The following ADD1 variants were observed in gnomAD, a reference collection of about 807,000 sequenced individuals.
The protein encoded by ADD1 is alpha-adducin.
A neutral mutation model predicts 80.5 loss-of-function variants in ADD1; 24 were observed. That is an observed-to-expected ratio of 0.30 (90% CI 0.22 to 0.42). The LOEUF is 0.42. ADD1 is among the 10% of genes least tolerant of loss of function. The pLI is 1.00. For missense variants in ADD1, 948 were observed against 1,019.0 expected, an observed-to-expected ratio of 0.93 and a Z score of 0.95; for synonymous variants, 373 against 393.8, an observed-to-expected ratio of 0.95 and a Z score of 0.63.
At chr4:2,897,170 C>T (rs1410234485) in intron 6 of ADD1, among the ~76,000 whole-genome samples, 2 of 152,006 alleles carry the variant, frequency 1.3e-5, no homozygotes, top group Non-Finnish European at 2.9e-5. Context: ...GTTAACTTTT[C>T]TCTATGGAAT....
In ADD1 at chr4:2,928,759, C is replaced by G. The variant is rs1356306711; in HGVS notation, c.*236C>G. The G allele has an allele frequency of 9.6e-6, 5 of 522,862 alleles. No individual in the cohort carries two copies. The highest frequency in any genetic ancestry group is 1.7e-5 in the Non-Finnish European group (5 of 301,162). The allele number at this position is 522,862 out of a possible 1,614,324, so 32.4% of individuals were successfully genotyped here. A position where few individuals can be genotyped will look rare whatever the true frequency, so the allele number is the denominator to read the frequency against. ...CCTCAGCTTCTGGGGGAGACATGCTCTCCCCACAGGGGGGAGGCACTAAGT... is the reference window on the plus strand; with the variant it reads ...CCTCAGCTTCTGGGGGAGACATGCTGTCCCCACAGGGGGGAGGCACTAAGT... On this transcript the variant is annotated 3_prime_UTR_variant, in exon 16 of 16. Coordinates refer to ENST00000683351, the MANE Select transcript of ADD1 (RefSeq NM_001354761.2).
intron 14 of ADD1, among the ~76,000 whole-genome samples, chr4:2,924,149 G>A (rs919304283): frequency 2.6e-5 from 4 of 152,228 alleles, no homozygotes; most frequent in African/African-American, 9.7e-5. Context: ...GCTGACAAAG[G>A]CGGTCTTGTT....
rs1734744746 is a variant in ADD1, at chr4:2,894,016, A to G, written c.514A>G (p.Arg172Gly). 1 of 1,613,824 alleles carries G rather than the reference A, an allele frequency of 6.2e-7. No homozygotes were observed. Among genetic ancestry groups the G allele is most frequent in the African/African-American group, 1.3e-5 (1 of 74,940 alleles). ...AATTCAGTCATTTTCCCCACAGACCAGAGTGAACTCCGAGCAGGAACACTT... is the reference window on the plus strand; with the variant it reads ...AATTCAGTCATTTTCCCCACAGACCGGAGTGAACTCCGAGCAGGAACACTT... ...SQLIYNHITT[R>G]VNSEQEHFLI... The change falls in exon 5 of 16, where the codon AGA becomes GGA. Residue 172 changes from arginine (R) to glycine (G), a missense_variant. Arg to Gly is a moderately radical substitution (Grantham distance 125, BLOSUM62 -2). Transcript: ENST00000683351.
intron 10 of ADD1, among the ~76,000 whole-genome samples, chr4:2,906,406 C>A (rs886888656): frequency 1.9e-4 from 28 of 150,200 alleles, no homozygotes; most frequent in African/African-American, 3.5e-4. Flanking sequence ...AAAAAAAAAA[C>A]CCCAAAACAC....
intron 12 of ADD1, 79 bp from the exon 13 acceptor site, chr4:2,909,260 C>T: frequency 8.0e-7 from 1 of 1,244,644 alleles, no homozygotes. Context: ...ATGCTCTTAG[C>T]CAGCTCCATC....
Position 2,893,967 on chromosome 4 carries a change from T to C in ADD1, c.511-46T>C, listed in dbSNP as rs192713760. The C allele has an allele frequency of 1.5e-3, 2,312 of 1,547,212 alleles. 5 individuals are homozygous for C. Among genetic ancestry groups the C allele is most frequent in the Admixed American group, 3.3e-3 (197 of 59,808 alleles). On this transcript the variant is annotated intron_variant, in intron 4 of 15. Transcript: ENST00000683351. ...ATTTGTAGCCTGAAAGAGATGCAAA[T>C]AATTTCACTTGGATCTTTGAGCTAA...
chr4:2,876,355 T>C, intron 2 of ADD1: 1 of 339,330 alleles, frequency 2.9e-6, no homozygotes, highest in Non-Finnish European at 5.3e-6. Context: ...CTCTTGTGAC[T>C]TTTCTAGAGG....
chr4:2,862,033 C>G (rs1728894971), intron 1 of ADD1, among the ~76,000 whole-genome samples: 1 of 152,228 alleles, frequency 6.6e-6, no homozygotes, highest in African/African-American at 2.4e-5. Flanking sequence ...TTGGACACCC[C>G]TGGCTTAAGG....
rs905212708 is a variant in ADD1 at position 2,843,864 on chromosome 4, G to A, written c.-181G>A. On this transcript the variant is annotated 5_prime_UTR_variant, in exon 1 of 16. Coordinates refer to ENST00000683351, the MANE Select transcript of ADD1 (RefSeq NM_001354761.2). Reference sequence around the variant, plus strand: ...GCTGCAGCGCCGCAGGCCGCACCCAGGTCGGGCGGTGGGGGCGAGCGGAGG... The same window carrying A: ...GCTGCAGCGCCGCAGGCCGCACCCAAGTCGGGCGGTGGGGGCGAGCGGAGG... The A allele has an allele frequency of 2.0e-5, 3 of 152,520 alleles. No homozygotes were observed. Among genetic ancestry groups the A allele is most frequent in the Admixed American group, 2.0e-4 (3 of 15,274 alleles). The allele number at this position is 152,520 out of a possible 1,614,324, so 9.4% of individuals were successfully genotyped here. A position where few individuals can be genotyped will look rare whatever the true frequency, so the allele number is the denominator to read the frequency against.
chr4:2,915,365 G>T (rs1220997124), intron 14 of ADD1, among the ~76,000 whole-genome samples: 5 of 152,250 alleles, frequency 3.3e-5, no homozygotes, highest in African/African-American at 1.2e-4. Flanking sequence ...ATTAGGCTGG[G>T]CATGGTGGCT....
At position 2,913,597 on chromosome 4, in the gene ADD1, C is replaced by T. The variant is rs150715325; in HGVS notation, c.1792-1287C>T. On this transcript the variant is annotated intron_variant, in intron 13 of 15. Coordinates refer to ENST00000683351, the MANE Select transcript of ADD1 (RefSeq NM_001354761.2). ...GTTCCAGCAGCCCATCTGTCCCTCT[C>T]GGAGCTCTGTGTCACTGGTCAGCAC... 7.7e-3 allele frequency among the ~76,000 whole-genome samples: 1,166 copies of T among 152,238 alleles called. 24 individuals are homozygous for T. Among genetic ancestry groups the T allele is most frequent in the Non-Finnish European group, 0.013 (862 of 68,020 alleles).
intron 1 of ADD1, among the ~76,000 whole-genome samples, chr4:2,865,146 A>G (rs1173262024): frequency 6.6e-6 from 1 of 151,778 alleles, no homozygotes; most frequent in African/African-American, 2.4e-5. Context: ...CCCACAAAAG[A>G]TGCCATACAT....
At chr4:2,859,923 ATTTT>A (rs34830388) in intron 1 of ADD1, among the ~76,000 whole-genome samples, 1 of 142,178 alleles carries the variant, frequency 7.0e-6, no homozygotes, top group Non-Finnish European at 1.5e-5. Context: ...ATATTGCTCC[ATTTT>A]TTTTTTTTTT....
chr4:2,904,094 C>G (rs1205645645), intron 9 of ADD1, among the ~76,000 whole-genome samples: 1 of 152,172 alleles, frequency 6.6e-6, no homozygotes, highest in Non-Finnish European at 1.5e-5. Context: ...ATAACCTGCA[C>G]AGTGGCTGGC....
intron 6 of ADD1, among the ~76,000 whole-genome samples, chr4:2,896,628 T>C (rs1179563340): frequency 6.6e-6 from 1 of 152,150 alleles, no homozygotes; most frequent in Non-Finnish European, 1.5e-5. Flanking sequence ...GATACATCAT[T>C]GTGTGAATGA....
chr4:2,928,109 T>C (rs1188327236), intron 15 of ADD1, 62 bp from the exon 16 acceptor site: 6 of 1,472,852 alleles, frequency 4.1e-6, no homozygotes, highest in Non-Finnish European at 5.6e-6. Context: ...CTCCCCCATC[T>C]CAAGCTGCCC....
intron 4 of ADD1, among the ~76,000 whole-genome samples, chr4:2,892,667 CAAAATAA>C (rs1734494705): frequency 6.6e-6 from 1 of 151,206 alleles, no homozygotes; most frequent in Non-Finnish European, 1.5e-5. Context: ...CCATCTCTAC[CAAAATAA>C]AAAATAAAAA....
At chr4:2,847,667 CAT>C (rs201790049) in intron 1 of ADD1, among the ~76,000 whole-genome samples, 2,646 of 152,262 alleles carry the variant, frequency 0.017, 54 homozygotes, top group African/African-American at 0.045. Flanking sequence ...TCCTGATTGA[CAT>C]GTGCCCAAGG....
intron 6 of ADD1, 105 bp downstream of exon 6, chr4:2,894,836 T>C: frequency 8.0e-7 from 1 of 1,249,576 alleles, no homozygotes. Flanking sequence ...GTAAAACTAA[T>C]TTTGTTGAAT....
Sources: gnomAD v4.1 joint callset for allele counts (sites outside exome capture counted in the v4.1 genomes callset) on GRCh38, gnomAD v4.1.1 for gene constraint, MANE v1.5 for transcripts, NCBI Gene and HGNC (gene_info 2026-07-23, HGNC 2026-07-21) for gene names.